The following KIF5C variants were observed in gnomAD, a reference collection of about 807,000 sequenced individuals.
KIF5C encodes the protein kinesin heavy chain isoform 5C.
A neutral mutation model predicts 125.2 loss-of-function variants in KIF5C; 18 were observed. The observed-to-expected ratio is 0.14, with a 90% CI of 0.10 to 0.21. The LOEUF (loss-of-function observed/expected upper bound fraction) is 0.21, where lower values mean the gene tolerates loss of function less well. KIF5C is among the 10% of genes least tolerant of loss of function. The probability of loss-of-function intolerance (pLI) is 1.00; values close to 1 mark genes in which losing one functional copy is unlikely to be tolerated. For missense variants in KIF5C, 780 were observed against 1,183.8 expected (o/e 0.66, Z 5.01); for synonymous variants, 405 against 434.0 (o/e 0.93, Z 0.83).
At chr2:148,887,155 T>C (rs1558872332) in intron 1 of KIF5C, among the ~76,000 whole-genome samples, 1 of 152,200 alleles carries the variant, frequency 6.6e-6, no homozygotes, top group Non-Finnish European at 1.5e-5. Flanking sequence ...TTTACTAATA[T>C]TTAAAAATAT....
rs185410042 is a variant in KIF5C at position 149,003,898 on chromosome 2, G to A, written c.2374-1495G>A. Among the ~76,000 whole-genome samples the A allele has an allele frequency of 1.2e-4, 19 of 152,260 alleles. No individual in the cohort carries two copies. In the East Asian group the frequency reaches 2.7e-3, roughly 22 times the overall value. The stretch of plus-strand genomic sequence containing the variant: ...TATGAAAAATGTAAACTGTGATTAC[G>A]GTTCAATCAGTAATGAAACCACTGA... On this transcript the variant is annotated intron_variant, in intron 21 of 25. Transcript: ENST00000435030.
At chr2:148,941,785 GT>G in intron 5 of KIF5C, 127 bp downstream of exon 5, 1 of 1,453,196 alleles carries the variant, frequency 6.9e-7, no homozygotes, top group Admixed American at 2.4e-5. Context: ...TGCCTTCAGG[GT>G]ATATGTTTAT....
chr2:148,941,700 A>G (rs755750694), intron 5 of KIF5C, 42 bp downstream of exon 5: 17 of 1,545,854 alleles, frequency 1.1e-5, no homozygotes, highest in Non-Finnish European at 1.4e-5. Context: ...TTCTGTAACG[A>G]AAGTCCGGGG....
At chr2:148,885,362 T>C (rs964937373) in intron 1 of KIF5C, among the ~76,000 whole-genome samples, 3 of 152,164 alleles carry the variant, frequency 2.0e-5, no homozygotes, top group African/African-American at 7.2e-5. Flanking sequence ...TTTAAAGAGC[T>C]TCCTGCTCTG....
intron 10 of KIF5C, among the ~76,000 whole-genome samples, chr2:148,960,105 C>T (rs1158032096): frequency 6.6e-6 from 1 of 152,172 alleles, no homozygotes; most frequent in Non-Finnish European, 1.5e-5. Context: ...CCGATTACTA[C>T]AGAAGTGGGG....
chr2:148,973,541 T>G (rs754389484), intron 12 of KIF5C, 30 bp downstream of exon 12: 2 of 1,575,276 alleles, frequency 1.3e-6, no homozygotes, highest in Non-Finnish European at 1.7e-6. Flanking sequence ...TAGTTCTCAT[T>G]CTGCTACAAA....
chr2:148,981,466 G>A lies in KIF5C; in HGVS notation c.1474G>A (p.Glu492Lys). 6.2e-7 allele frequency: 1 copy of A among 1,608,714 alleles called. No individual in the cohort carries two copies. Among genetic ancestry groups the A allele is most frequent in the Non-Finnish European group, 8.5e-7 (1 of 1,177,538 alleles). ...DEVKEVLQALEELAVNYDQKS... is the reference protein window; with the variant it reads ...DEVKEVLQALKELAVNYDQKS... ...GGTGAAAGAAGTTCTCCAGGCCCTGGAGGAGCTGGCTGTCAATTATGACCA... is the reference window on the plus strand; with the variant it reads ...GGTGAAAGAAGTTCTCCAGGCCCTGAAGGAGCTGGCTGTCAATTATGACCA... The change falls in exon 14 of 26, where the codon GAG (glutamate) becomes AAG (lysine). Residue 492 changes from glutamate (E) to lysine (K), a missense_variant. Coordinates refer to ENST00000435030, the MANE Select transcript of KIF5C (RefSeq NM_004522.3).
At chr2:148,922,269 A>T (rs372205595) in intron 2 of KIF5C, 42 bp downstream of exon 2, 3 of 1,323,916 alleles carry the variant, frequency 2.3e-6, no homozygotes, top group Admixed American at 1.9e-5. Flanking sequence ...CATTCAGAGT[A>T]ATTGAAAGCA....
At chr2:148,972,127 A>T (rs1486917499) in intron 11 of KIF5C, among the ~76,000 whole-genome samples, 1 of 152,054 alleles carries the variant, frequency 6.6e-6, no homozygotes, top group African/African-American at 2.4e-5. Flanking sequence ...TAAGTTTTGT[A>T]TTTTTAGTAG....
chr2:148,998,586 C>T, intron 19 of KIF5C, 77 bp downstream of exon 19: 8 of 1,539,464 alleles, frequency 5.2e-6, no homozygotes, highest in Non-Finnish European at 7.0e-6. Flanking sequence ...AAGGATGTGG[C>T]TCTTAGTCGA....
chr2:149,020,420 C>T (rs1682498621), intron 25 of KIF5C: 1 of 152,210 alleles, frequency 6.6e-6, no homozygotes, highest in Admixed American at 6.5e-5. Context: ...CTTTGTGGCC[C>T]CGTGTTTCTT....
In KIF5C at chr2:148,978,808, A is replaced by C. The variant is rs925272914; in HGVS notation, c.1294-114A>C. ...TGTCTGTTTTCTGTGCAGTAACACCACACTATTCCTTCCTTCTTATCAGCA... is the reference window on the plus strand; with the variant it reads ...TGTCTGTTTTCTGTGCAGTAACACCCCACTATTCCTTCCTTCTTATCAGCA... On this transcript the variant is annotated intron_variant, in intron 12 of 25. Coordinates refer to ENST00000435030, the MANE Select transcript of KIF5C (RefSeq NM_004522.3). 5.1e-6 allele frequency: 7 copies of C among 1,372,258 alleles called. No homozygotes were observed. The South Asian group carries it at 1.3e-4, about 25-fold the overall frequency. The allele number at this position is 1,372,258 out of a possible 1,614,324, so 85.0% of individuals were successfully genotyped here. A position where few individuals can be genotyped will look rare whatever the true frequency, so the allele number is the denominator to read the frequency against.
chr2:148,932,481 G>A (rs548293823), intron 3 of KIF5C, among the ~76,000 whole-genome samples: 21 of 152,306 alleles, frequency 1.4e-4, no homozygotes, highest in African/African-American at 4.8e-4. Context: ...AAGCTCGGTG[G>A]ACACCACCAC....
At chr2:149,009,030 C>G (rs560570049) in intron 23 of KIF5C, among the ~76,000 whole-genome samples, 1 of 146,366 alleles carries the variant, frequency 6.8e-6, no homozygotes, top group Non-Finnish European at 1.5e-5. Context: ...TGCTCTGTCG[C>G]CCAGGCTGGA....
At chr2:148,946,226 A>G (rs781721501) in intron 7 of KIF5C, among the ~76,000 whole-genome samples, 34 of 152,200 alleles carry the variant, frequency 2.2e-4, no homozygotes, top group Non-Finnish European at 4.7e-4. Context: ...CTTTTTACAT[A>G]TAATCTGGTA....
chr2:148,950,222 C>T, intron 9 of KIF5C, 92 bp from the exon 10 acceptor site: 2 of 1,525,880 alleles, frequency 1.3e-6, no homozygotes, highest in Non-Finnish European at 1.8e-6. Context: ...TACTCGGTTT[C>T]TAAGCTCAGT....
At chr2:149,014,884 A>C (rs1682316318) in intron 25 of KIF5C, among the ~76,000 whole-genome samples, 1 of 152,130 alleles carries the variant, frequency 6.6e-6, no homozygotes, top group African/African-American at 2.4e-5. Context: ...GAACTGACAT[A>C]AGGGCTTTTA....
At chr2:148,925,728 A>C (rs2105086997) in intron 2 of KIF5C, among the ~76,000 whole-genome samples, 1 of 152,258 alleles carries the variant, frequency 6.6e-6, no homozygotes, top group South Asian at 2.1e-4. Context: ...GGCCATATGG[A>C]CTATTATCTA....
chr2:148,887,210 GTAAGT>G lies in KIF5C; in HGVS notation c.126+11470_126+11474del, dbSNP rs1681553847. Among the ~76,000 whole-genome samples, 7 of 152,284 alleles carry G rather than the reference GTAAGT, an allele frequency of 4.6e-5. No individual in the cohort carries two copies. In the South Asian group the frequency reaches 1.5e-3, roughly 32 times the overall value. On this transcript the variant is annotated intron_variant, in intron 1 of 25. Coordinates refer to ENST00000435030, the MANE Select transcript of KIF5C (RefSeq NM_004522.3). ...TAGTATTTTGGATATGTTAGGTTAAGTAAGTTATTAATAAAATGAATTTCACCTCT... is the reference window on the plus strand; with the variant it reads ...TAGTATTTTGGATATGTTAGGTTAAGTATTAATAAAATGAATTTCACCTCT...
Sources: allele counts gnomAD v4.1 joint callset (sites outside exome capture counted in the v4.1 genomes callset), GRCh38; gene constraint gnomAD v4.1.1; transcripts MANE v1.5; gene names NCBI Gene and HGNC (gene_info 2026-07-23, HGNC 2026-07-21).